Variants in KCNH5 observed in about 807,000 individuals in gnomAD.
The protein encoded by KCNH5 is voltage-gated delayed rectifier potassium channel KCNH5.
KCNH5 carries 46 observed loss-of-function variants against 96.1 expected under a neutral mutation model. The ratio of observed to expected loss-of-function variants is 0.48; its 90% CI spans 0.38 to 0.61. KCNH5 has a LOEUF of 0.61. Ranked by LOEUF, KCNH5 falls within the 20% of genes least tolerant of loss-of-function variation. The pLI is 0.00. For missense variants in KCNH5, 907 were observed against 1,225.8 expected, an observed-to-expected ratio of 0.74 and a Z score of 3.88; for synonymous variants, 439 against 449.8, an observed-to-expected ratio of 0.98 and a Z score of 0.30.
At position 62,704,803 on chromosome 14, in the gene KCNH5, G is replaced by T. The variant is rs570186855; in HGVS notation, c.*2705C>A. ...AAGAGCATCTACTGTCTATGTGCTA[G>T]TTGAGGCAACATAGAACATGATTTT... On this transcript the variant is annotated 3_prime_UTR_variant, in exon 11 of 11. Coordinates refer to ENST00000322893, the MANE Select transcript of KCNH5 (RefSeq NM_139318.5). The T allele has an allele frequency of 1.3e-5, 2 of 152,036 alleles. No individual in the cohort carries two copies. Among genetic ancestry groups the T allele is most frequent in the Admixed American group, 6.6e-5 (1 of 15,264 alleles). The allele number at this position is 152,036 out of a possible 1,614,324, so 9.4% of individuals were successfully genotyped here.
intron 7 of KCNH5, among the ~76,000 whole-genome samples, chr14:62,889,922 C>A (rs1888671610): frequency 6.6e-6 from 1 of 152,034 alleles, no homozygotes; most frequent in Non-Finnish European, 1.5e-5. Flanking sequence ...TCTGATTCAA[C>A]CAGCCATCAA....
intron 8 of KCNH5, among the ~76,000 whole-genome samples, chr14:62,834,931 A>C (rs1483031000): frequency 6.6e-6 from 1 of 151,876 alleles, no homozygotes; most frequent in Non-Finnish European, 1.5e-5. Flanking sequence ...TAAAAGCTAA[A>C]CTGTTTACTA....
At chr14:63,005,692 T>C (rs1451803838) in intron 3 of KCNH5, among the ~76,000 whole-genome samples, 2 of 152,248 alleles carry the variant, frequency 1.3e-5, no homozygotes, top group East Asian at 3.8e-4. Context: ...TTGAGTATAC[T>C]GTTGGTTTTT....
intron 10 of KCNH5, among the ~76,000 whole-genome samples, chr14:62,740,269 C>G (rs555148187): frequency 6.6e-6 from 1 of 152,272 alleles, no homozygotes; most frequent in Non-Finnish European, 1.5e-5. Flanking sequence ...GAAAGATACT[C>G]TTCTTGTCAT....
intron 7 of KCNH5, among the ~76,000 whole-genome samples, chr14:62,933,933 T>C (rs1436430558): frequency 6.6e-6 from 1 of 152,132 alleles, no homozygotes; most frequent in Non-Finnish European, 1.5e-5. Context: ...CTCAGCTCTG[T>C]CTTCCCTGGT....
chr14:62,982,723 A>C (rs1890633131), intron 5 of KCNH5, among the ~76,000 whole-genome samples: 1 of 152,224 alleles, frequency 6.6e-6, no homozygotes, highest in Non-Finnish European at 1.5e-5. Flanking sequence ...CTAAGAATAT[A>C]ATATCCATTT....
intron 10 of KCNH5, among the ~76,000 whole-genome samples, chr14:62,772,463 C>T (rs1362263547): frequency 6.6e-6 from 1 of 151,660 alleles, no homozygotes; most frequent in Non-Finnish European, 1.5e-5. Flanking sequence ...ATGGTGAAAC[C>T]CTGTCTCTAC....
At chr14:62,830,077 A>C (rs939369258) in intron 8 of KCNH5, among the ~76,000 whole-genome samples, 2 of 152,234 alleles carry the variant, frequency 1.3e-5, no homozygotes, top group African/African-American at 4.8e-5. Context: ...GCAAAATGCC[A>C]CCAGTCTCTT....
At chr14:63,044,786 G>T (rs886345308) in intron 1 of KCNH5, among the ~76,000 whole-genome samples, 1 of 152,170 alleles carries the variant, frequency 6.6e-6, no homozygotes, top group African/African-American at 2.4e-5. Flanking sequence ...GTGGGAGAAG[G>T]AAGAACAAGA....
At chr14:62,941,475 G>A (rs1287875955) in intron 7 of KCNH5, among the ~76,000 whole-genome samples, 1 of 151,986 alleles carries the variant, frequency 6.6e-6, no homozygotes, top group African/African-American at 2.4e-5. Flanking sequence ...CATGATAAAA[G>A]GTGCCTATAA....
intron 7 of KCNH5, among the ~76,000 whole-genome samples, chr14:62,868,708 C>G (rs1417969033): frequency 6.6e-6 from 1 of 152,074 alleles, no homozygotes; most frequent in Non-Finnish European, 1.5e-5. Context: ...GCTGACAGGC[C>G]CTGGTGTGTG....
intron 8 of KCNH5, among the ~76,000 whole-genome samples, chr14:62,817,507 T>C (rs996616159): frequency 1.3e-5 from 2 of 148,940 alleles, no homozygotes; most frequent in African/African-American, 2.4e-5. Flanking sequence ...GAAAAAAGAA[T>C]GAAAAAGAGT....
intron 7 of KCNH5, among the ~76,000 whole-genome samples, chr14:62,853,284 T>C (rs903366830): frequency 7.2e-5 from 11 of 151,840 alleles, no homozygotes; most frequent in African/African-American, 2.4e-4. Flanking sequence ...CGTTGGCCTC[T>C]ATGTCCTCAC....
At chr14:62,865,275 A>T (rs1888111845) in intron 7 of KCNH5, among the ~76,000 whole-genome samples, 1 of 151,904 alleles carries the variant, frequency 6.6e-6, no homozygotes, top group Non-Finnish European at 1.5e-5. Flanking sequence ...GTCTTAAAGC[A>T]GAATTTTTTT....
chr14:63,038,605 A>G (rs573938444), intron 1 of KCNH5, among the ~76,000 whole-genome samples: 8 of 152,176 alleles, frequency 5.3e-5, no homozygotes, highest in African/African-American at 1.9e-4. Flanking sequence ...TCTTTTGTCA[A>G]CCTAATATAT....
chr14:62,867,095 G>T (rs1344465024), intron 7 of KCNH5, among the ~76,000 whole-genome samples: 2 of 152,118 alleles, frequency 1.3e-5, no homozygotes, highest in African/African-American at 4.8e-5. Context: ...TCTCCCCATG[G>T]TTATCAGCAA....
At chr14:62,778,964 C>T (rs949384657) in intron 10 of KCNH5, among the ~76,000 whole-genome samples, 1 of 152,186 alleles carries the variant, frequency 6.6e-6, no homozygotes, top group African/African-American at 2.4e-5. Context: ...TTCATTTAAG[C>T]AGGTTATAGA....
chr14:62,983,436 GTA>G (rs991753914), intron 5 of KCNH5, among the ~76,000 whole-genome samples: 79 of 150,032 alleles, frequency 5.3e-4, no homozygotes, highest in African/African-American at 1.7e-3. Context: ...GTGTGTGTGT[GTA>G]TATTATAACA....
intron 7 of KCNH5, among the ~76,000 whole-genome samples, chr14:62,886,830 G>A (rs892165200): frequency 6.6e-6 from 1 of 152,066 alleles, no homozygotes; most frequent in African/African-American, 2.4e-5. Flanking sequence ...ATTTAAAAAA[G>A]GGAGGAACTA....
Sources: allele counts gnomAD v4.1 joint callset (sites outside exome capture counted in the v4.1 genomes callset), GRCh38; gene constraint gnomAD v4.1.1; transcripts MANE v1.5; gene names NCBI Gene and HGNC (gene_info 2026-07-23, HGNC 2026-07-21).